PADI3: variants seen among roughly 807,000 people sequenced by gnomAD.
PADI3 encodes the protein protein-arginine deiminase type-3.
In PADI3, 53 loss-of-function variants were observed where a neutral mutation model predicts 71.5. The ratio of observed to expected loss-of-function variants is 0.74; its 90% confidence interval spans 0.59 to 0.93. PADI3 has a LOEUF of 0.93. PADI3 is among the 40% of genes least tolerant of loss of function. PADI3 has a pLI of 0.00. For synonymous variants in PADI3, 361 were observed against 347.5 expected (o/e 1.04, Z -0.43); for missense variants, 821 against 868.0 (o/e 0.95, Z 0.68).
At chr1:17,267,106 C>T (rs951599443) in intron 5 of PADI3, among the ~76,000 whole-genome samples, 3 of 152,168 alleles carry the variant, frequency 2.0e-5, no homozygotes, top group African/African-American at 7.2e-5. Flanking sequence ...GCAGAGGATG[C>T]TAGCATTATT....
chr1:17,280,537 T>C, intron 14 of PADI3, 108 bp downstream of exon 14: 1 of 1,505,466 alleles, frequency 6.6e-7, no homozygotes, highest in Non-Finnish European at 9.2e-7. Flanking sequence ...AAGCTCAGGT[T>C]AGAACAGGCC....
At chr1:17,250,792 C>T (rs1557494773) in intron 1 of PADI3, among the ~76,000 whole-genome samples, 5 of 152,196 alleles carry the variant, frequency 3.3e-5, no homozygotes, top group African/African-American at 9.6e-5. Context: ...GCCTCGTGCC[C>T]GTTGGGCAGA....
At chr1:17,265,009 C>CAAAAA (rs55683674) in intron 3 of PADI3, among the ~76,000 whole-genome samples, 13,086 of 139,858 alleles carry the variant, frequency 0.094, 628 homozygotes, top group South Asian at 0.19. Flanking sequence ...TGTCTTGTCT[C>CAAAAA]AAAAAAAAAA....
chr1:17,279,146 C>T (rs1388115661), intron 13 of PADI3, among the ~76,000 whole-genome samples: 5 of 152,054 alleles, frequency 3.3e-5, no homozygotes, highest in Non-Finnish European at 4.4e-5. Context: ...TGGGAGGGAG[C>T]GTGGGAGAAT....
At chr1:17,257,089 CT>C (rs1341195264) in intron 1 of PADI3, among the ~76,000 whole-genome samples, 2 of 151,030 alleles carry the variant, frequency 1.3e-5, no homozygotes, top group Non-Finnish European at 2.9e-5. Context: ...AGGCGAGTGC[CT>C]CAGGAGCGTG....
intron 13 of PADI3, 48 bp from the exon 14 acceptor site, chr1:17,280,302 C>T (rs778047119): frequency 1.9e-5 from 28 of 1,462,368 alleles, no homozygotes; most frequent in Admixed American, 3.3e-5. Flanking sequence ...AGGTGGTCCT[C>T]ACGTTGGTGC....
intron 1 of PADI3, among the ~76,000 whole-genome samples, chr1:17,255,165 G>A (rs2073012708): frequency 1.3e-5 from 2 of 152,350 alleles, no homozygotes; most frequent in South Asian, 4.1e-4. Flanking sequence ...TCTGAGGTTG[G>A]CTACTTTTAG....
intron 1 of PADI3, among the ~76,000 whole-genome samples, chr1:17,251,802 A>G (rs910836336): frequency 9.2e-5 from 14 of 152,236 alleles, no homozygotes; most frequent in South Asian, 2.1e-4. Flanking sequence ...TCATCAGTTT[A>G]AGGCTTTGTC....
At chr1:17,269,661 A>G (rs1043577661) in intron 6 of PADI3, among the ~76,000 whole-genome samples, 3 of 151,994 alleles carry the variant, frequency 2.0e-5, no homozygotes, top group Non-Finnish European at 1.5e-5. Flanking sequence ...CTCCATGCCC[A>G]GGCTGGAGTG....
rs1356735987 is a variant in PADI3, at chr1:17,282,991, C to T, written c.1907C>T (p.Pro636Leu). Residue 636 changes from proline to leucine, a missense_variant, in exon 16 of 16, where the codon CCA becomes CTA. Physicochemically the swap from Pro to Leu is moderately conservative, Grantham distance 98. Transcript: ENST00000375460. ...LHCTFIDDFTPYHMLHGEVHC... is the reference protein window; with the variant it reads ...LHCTFIDDFTLYHMLHGEVHC... ...TGCACCTTCATTGATGACTTCACTC[C>T]ATACCACATGCTGCATGGGGAGGTG... The T allele has an allele frequency of 6.2e-7, 1 of 1,614,232 alleles. No individual in the cohort carries two copies. Among genetic ancestry groups the T allele is most frequent in the Non-Finnish European group, 8.5e-7 (1 of 1,180,032 alleles).
rs34826223 is a variant in PADI3, at chr1:17,281,161, A to G, written c.1761+365A>G. Among the ~76,000 whole-genome samples, 519 of 152,320 alleles carry G rather than the reference A, an allele frequency of 3.4e-3. 4 individuals are homozygous for G. Among genetic ancestry groups the G allele is most frequent in the Non-Finnish European group, 4.5e-3 (304 of 68,030 alleles). On this transcript the variant is annotated intron_variant, in intron 15 of 15. Coordinates refer to ENST00000375460, the MANE Select transcript of PADI3 (RefSeq NM_016233.2). ...GCTTGTGGCTCTTCATCCATCCCACATGTATTTAGGGTGTCCTGTGGCAGA... is the reference window on the plus strand; with the variant it reads ...GCTTGTGGCTCTTCATCCATCCCACGTGTATTTAGGGTGTCCTGTGGCAGA...
chr1:17,261,412 G>A (rs75793785), intron 2 of PADI3, among the ~76,000 whole-genome samples: 2,520 of 152,302 alleles, frequency 0.017, 53 homozygotes, highest in African/African-American at 0.044. Flanking sequence ...CCACTTTACA[G>A]TTGAGGAAAT....
In PADI3 at chr1:17,283,016, G is replaced by A. The variant is rs753574707; in HGVS notation, c.1932G>A (p.Val644=). The part of the protein sequence containing the change: ...FTPYHMLHGE[V]HCGTNVCRKP... ...CATACCACATGCTGCATGGGGAGGTGCACTGTGGCACCAATGTGTGCAGAA... is the reference window on the plus strand; with the variant it reads ...CATACCACATGCTGCATGGGGAGGTACACTGTGGCACCAATGTGTGCAGAA... Residue 644 remains valine, a synonymous_variant, in exon 16 of 16, where the codon GTG becomes GTA. Transcript: ENST00000375460. The A allele has an allele frequency of 1.9e-6, 3 of 1,614,234 alleles. No individual in the cohort carries two copies. Among genetic ancestry groups the A allele is most frequent in the East Asian group, 2.2e-5 (1 of 44,880 alleles).
chr1:17,259,552 C>G, intron 1 of PADI3, 26 bp from the exon 2 acceptor site: 1 of 1,543,824 alleles, frequency 6.5e-7, no homozygotes, highest in Non-Finnish European at 8.8e-7. Context: ...CCTTCGGCAC[C>G]GACCATGGCT....
intron 2 of PADI3, among the ~76,000 whole-genome samples, chr1:17,261,789 C>T (rs1443408133): frequency 1.3e-5 from 2 of 152,256 alleles, no homozygotes; most frequent in African/African-American, 4.8e-5. Flanking sequence ...GTCCCACAGA[C>T]AAGAATGTTG....
chr1:17,283,468 C>T lies in PADI3; in HGVS notation c.*389C>T, dbSNP rs981904866. 5.3e-6 allele frequency: 1 copy of T among 189,196 alleles called. No homozygotes were observed. Among genetic ancestry groups the T allele is most frequent in the African/African-American group, 2.4e-5 (1 of 42,262 alleles). The allele number at this position is 189,196 out of a possible 1,614,324, so 11.7% of individuals were successfully genotyped here. ...TGTGCATCCTAACAGAGGAAGGATC[C>T]ATGATTCTGCTTTGGTCCAATTGCT... On this transcript the variant is annotated 3_prime_UTR_variant, in exon 16 of 16. Transcript: ENST00000375460.
chr1:17,256,857 AC>A (rs1423702500), intron 1 of PADI3, among the ~76,000 whole-genome samples: 3 of 151,782 alleles, frequency 2.0e-5, no homozygotes, highest in Admixed American at 6.6e-5. Flanking sequence ...ATATGGTGAA[AC>A]CCTGTTTCTA....
chr1:17,280,727 T>G lies in PADI3; in HGVS notation c.1692T>G (p.Cys564Trp). Residue 564 changes from cysteine (C) to tryptophan (W), a missense_variant, in exon 15 of 16, where the codon TGT becomes TGG. Coordinates refer to ENST00000375460, the MANE Select transcript of PADI3 (RefSeq NM_016233.2). ...AGCGGGAGCTGGGCCTGGCAGAGTG[T>G]GACATCATTGACATCCCACAGCTCT... The part of the protein sequence containing the change: ...VLKRELGLAE[C>W]DIIDIPQLFK... 2 of 1,614,082 alleles carry G rather than the reference T, an allele frequency of 1.2e-6. No individual in the cohort carries two copies. The highest frequency in any genetic ancestry group is 1.6e-4 in the Middle Eastern group (1 of 6,062).
chr1:17,255,160 G>A (rs912683536), intron 1 of PADI3, among the ~76,000 whole-genome samples: 23 of 152,230 alleles, frequency 1.5e-4, no homozygotes, highest in Non-Finnish European at 2.8e-4. Flanking sequence ...GTGGGTCTGA[G>A]GTTGGCTACT....
Sources: gnomAD v4.1 joint callset for allele counts (sites outside exome capture counted in the v4.1 genomes callset) on GRCh38, gnomAD v4.1.1 for gene constraint, MANE v1.5 for transcripts, NCBI Gene and HGNC (gene_info 2026-07-23, HGNC 2026-07-21) for gene names.